NRG3: variants seen among roughly 807,000 people sequenced by gnomAD.
The protein encoded by NRG3 is pro-neuregulin-3, membrane-bound isoform.
Under a neutral mutation model 66.9 loss-of-function variants are expected in NRG3, and 31 were observed. The ratio of observed to expected loss-of-function variants is 0.46; its 90% CI spans 0.35 to 0.63. NRG3 has a LOEUF of 0.63. Among genes scored for constraint, NRG3 ranks in the 20% least tolerant of loss-of-function variants. The pLI is 0.00. For synonymous variants in NRG3, 393 were observed against 359.4 expected (o/e 1.09, Z -1.06); for missense variants, 910 against 878.9 (o/e 1.04, Z -0.45).
intron 1 of NRG3, among the ~76,000 whole-genome samples, chr10:82,212,361 C>T (rs1161439753): frequency 6.6e-6 from 1 of 152,168 alleles, no homozygotes; most frequent in Non-Finnish European, 1.5e-5. Context: ...AATAGTAGCA[C>T]TCAATAAAAG....
intron 1 of NRG3, among the ~76,000 whole-genome samples, chr10:82,193,774 C>A (rs10884328): frequency 0.096 from 14,618 of 152,114 alleles, 1,145 homozygotes; most frequent in East Asian, 0.36. Flanking sequence ...AAAGCTTGTT[C>A]CATTTGAAAT....
chr10:82,319,482 C>T (rs2081453216), intron 1 of NRG3, among the ~76,000 whole-genome samples: 1 of 152,212 alleles, frequency 6.6e-6, no homozygotes. Flanking sequence ...TCAAGCCCTC[C>T]TCCTATCTAT....
chr10:82,288,789 C>A (rs776743598), intron 1 of NRG3, among the ~76,000 whole-genome samples: 3 of 152,180 alleles, frequency 2.0e-5, no homozygotes, highest in African/African-American at 7.2e-5. Flanking sequence ...ACTGGCACAT[C>A]GGAGCATGCT....
intron 2 of NRG3, among the ~76,000 whole-genome samples, chr10:82,615,790 A>C (rs1013078099): frequency 1.3e-4 from 20 of 152,256 alleles, no homozygotes; most frequent in African/African-American, 4.8e-4. Flanking sequence ...CTAGCCATAT[A>C]ATATTTGGAG....
chr10:82,883,896 A>G (rs1164380677), intron 4 of NRG3, among the ~76,000 whole-genome samples: 1 of 150,978 alleles, frequency 6.6e-6, no homozygotes, highest in Non-Finnish European at 1.5e-5. Context: ...TTCACACCAG[A>G]GTTGTGTCTC....
chr10:82,825,869 T>C (rs1221061905), intron 3 of NRG3, among the ~76,000 whole-genome samples: 3 of 152,172 alleles, frequency 2.0e-5, no homozygotes, highest in Non-Finnish European at 2.9e-5. Flanking sequence ...AATGCATACT[T>C]TCTATATATT....
intron 1 of NRG3, among the ~76,000 whole-genome samples, chr10:81,900,981 G>A (rs7917690): frequency 0.48 from 72,753 of 152,078 alleles, 22,383 homozygotes; most frequent in African/African-American, 0.84. Context: ...CACAAGATAC[G>A]TTTTGATGAA....
At chr10:82,540,854 C>T (rs114116514) in intron 2 of NRG3, among the ~76,000 whole-genome samples, 1,610 of 152,248 alleles carry the variant, frequency 0.011, 29 homozygotes, top group African/African-American at 0.036. Context: ...GATATGTTGA[C>T]GTTCTAACCC....
intron 7 of NRG3, among the ~76,000 whole-genome samples, chr10:82,975,365 A>G (rs113912387): frequency 4.1e-4 from 62 of 152,308 alleles, no homozygotes; most frequent in African/African-American, 1.4e-3. Flanking sequence ...TAAAATTGAT[A>G]TATATGTTTT....
Position 82,294,207 on chromosome 10 carries a change from C to A in NRG3, c.824-64532C>A, listed in dbSNP as rs79824181. On this transcript the variant is annotated intron_variant, in intron 1 of 8. Coordinates refer to ENST00000372141, the MANE Select transcript of NRG3 (RefSeq NM_001010848.4). ...GAAACCATGCTTTAAACATTTCACT[C>A]CCCACTAAACTCAGTTCATATCACA... Among the ~76,000 whole-genome samples, 474 of 152,266 alleles carry A rather than the reference C, an allele frequency of 3.1e-3. 5 individuals are homozygous for A. Among genetic ancestry groups the A allele is most frequent in the African/African-American group, 0.011 (447 of 41,558 alleles).
At chr10:82,015,230 A>T (rs949723543) in intron 1 of NRG3, among the ~76,000 whole-genome samples, 1 of 152,182 alleles carries the variant, frequency 6.6e-6, no homozygotes, top group African/African-American at 2.4e-5. Flanking sequence ...ATGATAATTG[A>T]TTAATGTATG....
intron 2 of NRG3, among the ~76,000 whole-genome samples, chr10:82,483,745 A>T (rs920833652): frequency 3.9e-5 from 6 of 152,208 alleles, no homozygotes; most frequent in African/African-American, 7.2e-5. Context: ...AGTTTAGTTC[A>T]TGGGAAATAA....
intron 1 of NRG3, among the ~76,000 whole-genome samples, chr10:81,901,968 G>T (rs185425146): frequency 6.6e-6 from 1 of 152,132 alleles, no homozygotes; most frequent in African/African-American, 2.4e-5. Context: ...ATGTGTGTGC[G>T]TGTGAGTGTG....
At chr10:82,736,205 A>G (rs2058145898) in intron 2 of NRG3, among the ~76,000 whole-genome samples, 1 of 152,228 alleles carries the variant, frequency 6.6e-6, no homozygotes, top group Non-Finnish European at 1.5e-5. Flanking sequence ...GATATGCTTG[A>G]CACACTATCA....
At chr10:82,091,936 A>G (rs888770673) in intron 1 of NRG3, among the ~76,000 whole-genome samples, 8 of 152,196 alleles carry the variant, frequency 5.3e-5, no homozygotes, top group African/African-American at 1.7e-4. Flanking sequence ...TTAGTCATCA[A>G]TATATCTTAC....
At chr10:82,781,522 C>G (rs371615899) in intron 3 of NRG3, among the ~76,000 whole-genome samples, 16 of 152,118 alleles carry the variant, frequency 1.1e-4, no homozygotes, top group African/African-American at 1.9e-4. Context: ...TAAACCATAT[C>G]ACCAGAATCC....
intron 1 of NRG3, among the ~76,000 whole-genome samples, chr10:81,884,255 G>A (rs2132501038): frequency 6.6e-6 from 1 of 152,234 alleles, no homozygotes. Context: ...ACAGATAGTG[G>A]CATTTGCCAC....
intron 4 of NRG3, among the ~76,000 whole-genome samples, chr10:82,937,969 G>A (rs924469806): frequency 1.3e-5 from 2 of 152,044 alleles, no homozygotes; most frequent in Non-Finnish European, 2.9e-5. Context: ...AGCCCCACTG[G>A]ATTTCAAAGA....
At chr10:82,318,984 A>G (rs2081425583) in intron 1 of NRG3, among the ~76,000 whole-genome samples, 1 of 152,166 alleles carries the variant, frequency 6.6e-6, no homozygotes, top group South Asian at 2.1e-4. Context: ...CCTTGTGCAG[A>G]AAAAACAGAC....
Sources: gnomAD v4.1 joint callset for allele counts (sites outside exome capture counted in the v4.1 genomes callset) on GRCh38, gnomAD v4.1.1 for gene constraint, MANE v1.5 for transcripts, NCBI Gene and HGNC (gene_info 2026-07-23, HGNC 2026-07-21) for gene names.